The following FSD1 variants were observed in gnomAD, a reference collection of about 807,000 sequenced individuals.
FSD1 encodes the protein fibronectin type III and SPRY domain-containing protein 1.
Under a neutral mutation model 58.2 loss-of-function variants are expected in FSD1, and 23 were observed. The ratio of observed to expected loss-of-function variants is 0.40; its 90% CI spans 0.28 to 0.56. The LOEUF is 0.56. Ranked by LOEUF, FSD1 falls within the 20% of genes least tolerant of loss-of-function variation. The pLI is 0.54. For synonymous variants in FSD1, 265 were observed against 263.4 expected (o/e 1.01, Z -0.06); for missense variants, 563 against 670.8 (o/e 0.84, Z 1.78).
At position 4,318,501 on chromosome 19, in the gene FSD1, G is replaced by A; in HGVS notation, c.955G>A (p.Ala319Thr). The A allele has an allele frequency of 6.2e-7, 1 of 1,602,250 alleles. No homozygotes were observed. Among genetic ancestry groups the A allele is most frequent in the Non-Finnish European group, 8.5e-7 (1 of 1,173,948 alleles). Residue 319 changes from alanine (A) to threonine (T), a missense_variant, in exon 9 of 13, where the codon GCC (alanine) becomes ACC (threonine). Transcript: ENST00000221856. ...GRTASPINSPARGTPSPKRMP... is the reference protein window; with the variant it reads ...GRTASPINSPTRGTPSPKRMP... ...GACGGCGTCTCCCATCAACTCCCCA[G>A]CCAGGTAGCCTGCCCCCTCCCCTCC...
chr19:4,311,554 C>T, intron 6 of FSD1: 1 of 357,052 alleles, frequency 2.8e-6, no homozygotes, highest in Admixed American at 4.3e-5. Context: ...CATGGTGGCT[C>T]ACGACTGTAA....
chr19:4,307,453 C>T (rs185100565), intron 3 of FSD1, among the ~76,000 whole-genome samples: 4 of 152,152 alleles, frequency 2.6e-5, no homozygotes, highest in African/African-American at 4.8e-5. Flanking sequence ...CTGCAACCTC[C>T]GCCTCCCGGG....
At position 4,306,166 on chromosome 19, in the gene FSD1, G is replaced by C. The variant is rs201162930; in HGVS notation, c.112-32G>C. 2.5e-6 allele frequency: 4 copies of C among 1,613,694 alleles called. No individual in the cohort carries two copies. The African/African-American group carries it at 5.3e-5, about 22-fold the overall frequency. On this transcript the variant is annotated intron_variant, in intron 2 of 12. Transcript: ENST00000221856. ...GTCTCAGGTTCCCTCTCTGAACACG[G>C]GCTTTGGCCGATTCTGGCTGTTCCG... is the stretch of plus-strand genomic sequence containing the variant.
chr19:4,311,057 G>A, intron 6 of FSD1: 1 of 162,328 alleles, frequency 6.2e-6, no homozygotes, highest in South Asian at 1.6e-4. Flanking sequence ...ACCAGGGGGT[G>A]AGGTCCTGGG....
intron 3 of FSD1, 33 bp downstream of exon 3, chr19:4,306,362 C>G (rs1187603508): frequency 6.2e-7 from 1 of 1,611,124 alleles, no homozygotes; most frequent in East Asian, 2.2e-5. Context: ...TCTCCCCCCG[C>G]CCCTCCTACT....
At chr19:4,322,474 T>G (rs1971706654) in intron 10 of FSD1, among the ~76,000 whole-genome samples, 1 of 146,068 alleles carries the variant, frequency 6.8e-6, no homozygotes, top group Non-Finnish European at 1.5e-5. Flanking sequence ...CTGGAGGGAA[T>G]AGCAGGAACC....
intron 4 of FSD1, among the ~76,000 whole-genome samples, chr19:4,308,990 GT>G: frequency 6.6e-6 from 1 of 152,276 alleles, no homozygotes; most frequent in South Asian, 2.1e-4. Context: ...CAGGAGGATG[GT>G]GTGAACCCGG....
In FSD1 at chr19:4,310,564, G is replaced by A. The variant is rs369691691; in HGVS notation, c.458G>A (p.Arg153Gln). Residue 153 changes from arginine to glutamine, a missense_variant, in exon 6 of 13, where the codon CGG becomes CAG. Transcript: ENST00000221856. The stretch of plus-strand genomic sequence containing the variant: ...CTCATGGTGGACTTCGCGCAAGAGC[G>A]GCAGATGCTACAGGCACTCAAGTTC... ...SHLMVDFAQERQMLQALKFLP... is the reference protein window; with the variant it reads ...SHLMVDFAQEQQMLQALKFLP... The A allele has an allele frequency of 2.4e-5, 38 of 1,613,670 alleles. No individual in the cohort carries two copies. The highest frequency in any genetic ancestry group is 5.3e-5 in the African/African-American group (4 of 74,954).
chr19:4,316,420 C>T (rs893173430), intron 7 of FSD1, among the ~76,000 whole-genome samples: 5 of 150,440 alleles, frequency 3.3e-5, no homozygotes, highest in African/African-American at 1.2e-4. Context: ...GCGGTTTCAT[C>T]ATGTTGGCCA....
intron 3 of FSD1, among the ~76,000 whole-genome samples, chr19:4,307,116 G>A (rs571398588): frequency 1.3e-4 from 20 of 152,144 alleles, no homozygotes; most frequent in African/African-American, 4.1e-4. Flanking sequence ...GTCCAGTGGC[G>A]CAATCATGCC....
rs750349893 is a variant in FSD1 at position 4,312,057 on chromosome 19, G to A, written c.700+6G>A. The A allele has an allele frequency of 5.0e-6, 8 of 1,597,698 alleles. No homozygotes were observed. The highest frequency in any genetic ancestry group is 6.8e-6 in the Non-Finnish European group (8 of 1,175,668). On this transcript the variant is annotated splice_donor_region_variant and intron_variant, in intron 7 of 12. Transcript: ENST00000221856. ...GACAGAGTACACCCTGACAGGTAAGGGCAGTGTGTGCCAGCTCCGCCCAGC... is the reference window on the plus strand; with the variant it reads ...GACAGAGTACACCCTGACAGGTAAGAGCAGTGTGTGCCAGCTCCGCCCAGC...
At chr19:4,317,138 CAG>C (rs1568381068) in intron 7 of FSD1, 42 bp from the exon 8 acceptor site, 2 of 1,091,438 alleles carry the variant, frequency 1.8e-6, no homozygotes, top group Non-Finnish European at 2.8e-6. Context: ...CTCAGAGTCT[CAG>C]GGAATAATAC....
intron 7 of FSD1, among the ~76,000 whole-genome samples, chr19:4,316,445 G>T (rs1343962535): frequency 6.7e-6 from 1 of 150,256 alleles, no homozygotes; most frequent in African/African-American, 2.4e-5. Context: ...GGTCTTGAAC[G>T]CCTGACCTCA....
chr19:4,313,297 C>T lies in FSD1; in HGVS notation c.700+1246C>T, dbSNP rs1262163506. Reference sequence around the variant, plus strand: ...TGGAGGCTGCAGTGAGCCATGACTGCACCACCGCACTCCAGCCTGAGCAAC... The same window carrying T: ...TGGAGGCTGCAGTGAGCCATGACTGTACCACCGCACTCCAGCCTGAGCAAC... On this transcript the variant is annotated intron_variant, in intron 7 of 12. Transcript: ENST00000221856. Among the ~76,000 whole-genome samples, 9 of 151,756 alleles carry T rather than the reference C, an allele frequency of 5.9e-5. No individual in the cohort carries two copies. In the East Asian group the frequency reaches 1.6e-3, roughly 26 times the overall value.
intron 7 of FSD1, among the ~76,000 whole-genome samples, chr19:4,315,077 C>G (rs555734643): frequency 3.5e-4 from 53 of 152,186 alleles, no homozygotes; most frequent in African/African-American, 1.3e-3. Context: ...TTGTTGATTG[C>G]TTGGAAAGAT....
At chr19:4,316,042 C>T (rs1383669392) in intron 7 of FSD1, among the ~76,000 whole-genome samples, 2 of 150,656 alleles carry the variant, frequency 1.3e-5, no homozygotes, top group African/African-American at 4.9e-5. Flanking sequence ...GCTGGGATTA[C>T]AGGCGTGAGC....
chr19:4,320,146 C>A (rs1480239574), intron 10 of FSD1, among the ~76,000 whole-genome samples: 1 of 151,800 alleles, frequency 6.6e-6, no homozygotes, highest in Non-Finnish European at 1.5e-5. Flanking sequence ...TTGGGGAATG[C>A]CTTGGGGGAA....
chr19:4,307,552 G>A (rs1971635969), intron 3 of FSD1, among the ~76,000 whole-genome samples: 1 of 151,956 alleles, frequency 6.6e-6, no homozygotes, highest in African/African-American at 2.4e-5. Flanking sequence ...TATGTTTAGT[G>A]GAGACAGGGT....
rs373632211 is a variant in FSD1 at position 4,314,525 on chromosome 19, C to T, written c.700+2474C>T. On this transcript the variant is annotated intron_variant, in intron 7 of 12. Transcript: ENST00000221856. Reference sequence around the variant, plus strand: ...TTTTTGAGATGGAGTCTCGCTTTGTCGCCCAGGCTGGAGTGCAGTGGCCTG... The same window carrying T: ...TTTTTGAGATGGAGTCTCGCTTTGTTGCCCAGGCTGGAGTGCAGTGGCCTG... Among the ~76,000 whole-genome samples the T allele has an allele frequency of 4.8e-4, 71 of 147,352 alleles. No homozygotes were observed. The Middle Eastern group carries it at 0.014, about 30-fold the overall frequency.
Sources: gnomAD v4.1 joint callset for allele counts (sites outside exome capture counted in the v4.1 genomes callset) on GRCh38, gnomAD v4.1.1 for gene constraint, MANE v1.5 for transcripts, NCBI Gene and HGNC (gene_info 2026-07-23, HGNC 2026-07-21) for gene names.